The following ADPRHL1 variants were observed in gnomAD, a reference collection of about 807,000 sequenced individuals.
ADPRHL1 encodes ADP-ribosylhydrolase like 1.
Under a neutral mutation model 44.1 loss-of-function variants are expected in ADPRHL1, and 43 were observed. The observed-to-expected ratio is 0.98, with a 90% confidence interval of 0.76 to 1.26. The LOEUF is 1.26. Ranked by LOEUF, ADPRHL1 falls within the 50% of genes most tolerant of loss-of-function variation. ADPRHL1 has a pLI of 0.00. For missense variants in ADPRHL1, 2,022 were observed against 2,496.9 expected (o/e 0.81, Z 4.05); for synonymous variants, 878 against 1,017.4 (o/e 0.86, Z 2.61).
intron 1 of ADPRHL1, among the ~76,000 whole-genome samples, chr13:113,450,003 T>C (rs565026905): frequency 1.1e-4 from 16 of 152,306 alleles, no homozygotes; most frequent in African/African-American, 3.4e-4. Flanking sequence ...TCCACGGTGA[T>C]GTGAGGAGCA....
At chr13:113,452,105 G>A (rs995263276) in intron 1 of ADPRHL1, among the ~76,000 whole-genome samples, 7 of 152,176 alleles carry the variant, frequency 4.6e-5, no homozygotes, top group East Asian at 1.9e-4. Flanking sequence ...AAAACAAGCC[G>A]GAGCTGTGTC....
rs188155365 is a variant in ADPRHL1 at position 113,420,616 on chromosome 13, G to A, written c.1061+2210C>T. Among the ~76,000 whole-genome samples, 293 of 152,188 alleles carry A rather than the reference G, an allele frequency of 1.9e-3. 1 individual carries two copies. The highest frequency in any genetic ancestry group is 6.7e-3 in the African/African-American group (278 of 41,508). ...TGCTGGGACCACACTCCATGGACGT[G>A]TGTGACGTGAGGCCCTTCGCCCCCG... is the stretch of plus-strand genomic sequence containing the variant. On this transcript the variant is annotated intron_variant, in intron 7 of 7. Coordinates refer to ENST00000612156, the MANE Select transcript of ADPRHL1 (RefSeq NM_001394807.1).
Position 113,404,834 on chromosome 13 carries a change from G to A in ADPRHL1, c.4448C>T (p.Ala1483Val). Reference sequence around the variant, plus strand: ...CTGTTTCTGGGCCTGTCCTTGGGCTGCCGGGCTTCCCGGCCCCTCGGGCTC... The same window carrying A: ...CTGTTTCTGGGCCTGTCCTTGGGCTACCGGGCTTCCCGGCCCCTCGGGCTC... The part of the protein sequence containing the change: ...PGEPEGPGSP[A>V]AQGQAQKQVQ... The change falls in exon 8 of 8, where the codon GCA (alanine) becomes GTA (valine). Residue 1483 changes from alanine (A) to valine (V), a missense_variant. Physicochemically the swap from Ala to Val is moderately conservative, Grantham distance 64 (BLOSUM62 0). Transcript: ENST00000612156. 2 of 1,249,006 alleles carry A rather than the reference G, an allele frequency of 1.6e-6. No homozygotes were observed. The highest frequency in any genetic ancestry group is 1.0e-6 in the Non-Finnish European group (1 of 999,182). The allele number at this position is 1,249,006 out of a possible 1,614,324, so 77.4% of individuals were successfully genotyped here.
chr13:113,407,787 T>TC lies in ADPRHL1; in HGVS notation c.1494dup (p.Lys499GlufsTer118). 1 of 1,232,060 alleles carries TC rather than the reference T, an allele frequency of 8.1e-7. No homozygotes were observed. Among genetic ancestry groups the TC allele is most frequent in the Non-Finnish European group, 1.0e-6 (1 of 988,054 alleles). 76.3% of individuals were successfully genotyped at this position (1,232,060 alleles called of 1,614,324 possible). On this transcript the variant is annotated frameshift_variant, in exon 8 of 8. Transcript: ENST00000612156. LOFTEE classifies it low-confidence loss of function (END_TRUNC). Reference sequence around the variant, plus strand: ...TTCAGGATGTTTTTCACGGTGCTCTTCCCGGCCGGGTGGCCCCAGCGGGGC... The same window carrying TC: ...TTCAGGATGTTTTTCACGGTGCTCTTCCCCGGCCGGGTGGCCCCAGCGGGGC...
In ADPRHL1 at chr13:113,405,596, A is replaced by T; in HGVS notation, c.3686T>A (p.Ile1229Asn). ...ARHPEAARLY[I>N]SNTSAASRHT... Reference sequence around the variant, plus strand: ...TCTGCTGGCTGCTGATGTGTTTGAAATGTATAATCGGGCCGCCTCTGGGTG... The same window carrying T: ...TCTGCTGGCTGCTGATGTGTTTGAATTGTATAATCGGGCCGCCTCTGGGTG... Residue 1229 changes from isoleucine to asparagine, a missense_variant, in exon 8 of 8, where the codon ATT (isoleucine) becomes AAT (asparagine). Ile to Asn is a moderately radical substitution (Grantham distance 149). Coordinates refer to ENST00000612156, the MANE Select transcript of ADPRHL1 (RefSeq NM_001394807.1). 8.1e-7 allele frequency: 1 copy of T among 1,232,400 alleles called. No individual in the cohort carries two copies. Among genetic ancestry groups the T allele is most frequent in the Non-Finnish European group, 1.0e-6 (1 of 988,490 alleles). The allele number at this position is 1,232,400 out of a possible 1,614,324, so 76.3% of individuals were successfully genotyped here.
chr13:113,411,541 A>T (rs149148346), intron 7 of ADPRHL1, among the ~76,000 whole-genome samples: 154 of 152,238 alleles, frequency 1.0e-3, no homozygotes, highest in Admixed American at 2.6e-3. Context: ...AGCGTGGAGG[A>T]CGTACTTGGC....
chr13:113,440,826 G>C (rs2044091790), intron 2 of ADPRHL1, among the ~76,000 whole-genome samples: 1 of 152,132 alleles, frequency 6.6e-6, no homozygotes, highest in Non-Finnish European at 1.5e-5. Context: ...TGCAACAGGA[G>C]ATTTTTGGTT....
At chr13:113,428,829 G>T in intron 4 of ADPRHL1, 123 bp downstream of exon 4, 1 of 1,456,388 alleles carries the variant, frequency 6.9e-7, no homozygotes, top group Non-Finnish European at 9.3e-7. Flanking sequence ...CACATGGCCC[G>T]GACAGGGCCC....
chr13:113,422,469 C>G (rs942168200), intron 7 of ADPRHL1: 5 of 193,024 alleles, frequency 2.6e-5, no homozygotes, highest in Non-Finnish European at 5.3e-5. Flanking sequence ...AGGCCACCAC[C>G]GCAGTTAGTG....
At position 113,406,243 on chromosome 13, in the gene ADPRHL1, A is replaced by T. The variant is rs1350946539; in HGVS notation, c.3039T>A (p.Leu1013=). ...ATNDPAASQN[L]LRGNTSHASS... is the part of the protein sequence containing the mutation. ...AGGCATGGCTGGTGTTTCCCCTCAGAAGGTTTTGTGAGGCTGCAGGATCAT... is the reference window on the plus strand; with the variant it reads ...AGGCATGGCTGGTGTTTCCCCTCAGTAGGTTTTGTGAGGCTGCAGGATCAT... Residue 1013 remains leucine (L), a synonymous_variant, in exon 8 of 8, where the codon CTT becomes CTA. Transcript: ENST00000612156. The T allele has an allele frequency of 8.1e-7, 1 of 1,231,894 alleles. No individual in the cohort carries two copies. Among genetic ancestry groups the T allele is most frequent in the Non-Finnish European group, 1.0e-6 (1 of 987,976 alleles). 76.3% of individuals were successfully genotyped at this position (1,231,894 alleles called of 1,614,324 possible). A position where few individuals can be genotyped will look rare whatever the true frequency, so the allele number is the denominator to read the frequency against.
intron 1 of ADPRHL1, among the ~76,000 whole-genome samples, chr13:113,449,506 G>T (rs2139655014): frequency 6.7e-6 from 1 of 149,928 alleles, no homozygotes; most frequent in Non-Finnish European, 1.5e-5. Flanking sequence ...CACCCAGAAG[G>T]AGACAGCCCT....
rs192643711 is a variant in ADPRHL1, at chr13:113,443,047, C to G, written c.379+1378G>C. 9.7e-4 allele frequency among the ~76,000 whole-genome samples: 148 copies of G among 152,274 alleles called. 2 individuals are homozygous for G. Among genetic ancestry groups the G allele is most frequent in the Non-Finnish European group, 1.7e-3 (114 of 68,024 alleles). On this transcript the variant is annotated intron_variant, in intron 2 of 7. Transcript: ENST00000612156. Reference sequence around the variant, plus strand: ...TGTGATTTGGATCTTTTCAAAAATGCCTTTCACGTCTCTACTTAATTTTTT... The same window carrying G: ...TGTGATTTGGATCTTTTCAAAAATGGCTTTCACGTCTCTACTTAATTTTTT...
intron 2 of ADPRHL1, among the ~76,000 whole-genome samples, chr13:113,436,225 C>T (rs376491689): frequency 2.7e-4 from 40 of 148,090 alleles, no homozygotes; most frequent in East Asian, 2.5e-3. Flanking sequence ...AGGTGTACCC[C>T]GGGACCCGGC....
intron 1 of ADPRHL1, among the ~76,000 whole-genome samples, chr13:113,447,204 G>A (rs2044147191): frequency 7.3e-6 from 1 of 136,886 alleles, no homozygotes; most frequent in Non-Finnish European, 1.5e-5. Flanking sequence ...ACGGTGTTGT[G>A]TGTGCATGGC....
In ADPRHL1 at chr13:113,403,498, G is replaced by A. The variant is rs1053169915; in HGVS notation, c.5784C>T (p.Arg1928=). 10 of 1,231,906 alleles carry A rather than the reference G, an allele frequency of 8.1e-6. No individual in the cohort carries two copies. The highest frequency in any genetic ancestry group is 1.6e-5 in the African/African-American group (1 of 64,336). The allele number at this position is 1,231,906 out of a possible 1,614,324, so 76.3% of individuals were successfully genotyped here. A position where few individuals can be genotyped will look rare whatever the true frequency, so the allele number is the denominator to read the frequency against. Residue 1928 remains arginine, a synonymous_variant, in exon 8 of 8, where the codon CGC becomes CGT. Transcript: ENST00000612156. ...ACTTGGCCAGGTGCCTGGACCTCCC[G>A]CGACGCTCGGGCTCCGATGCCTCCA... The part of the protein sequence containing the change: ...DRMEASEPER[R]GRSRHLAKYK...
At position 113,402,186 on chromosome 13, in the gene ADPRHL1, A is replaced by G. The variant is rs982610615; in HGVS notation, c.*1192T>C. The G allele has an allele frequency of 6.6e-6, 1 of 152,236 alleles. No individual in the cohort carries two copies. Among genetic ancestry groups the G allele is most frequent in the African/African-American group, 2.4e-5 (1 of 41,452 alleles). The allele number at this position is 152,236 out of a possible 1,614,324, so 9.4% of individuals were successfully genotyped here. On this transcript the variant is annotated 3_prime_UTR_variant, in exon 8 of 8. Coordinates refer to ENST00000612156, the MANE Select transcript of ADPRHL1 (RefSeq NM_001394807.1). ...CTGAAAATCCAGCTGCTCCGGGGCC[A>G]CTCAGGCAGCCGTGTGGCCTCACGG...
In ADPRHL1 at chr13:113,420,046, T is replaced by C. The variant is rs76265582; in HGVS notation, c.1061+2780A>G. Among the ~76,000 whole-genome samples, 396 of 151,436 alleles carry C rather than the reference T, an allele frequency of 2.6e-3. 2 individuals are homozygous for C. Among genetic ancestry groups the C allele is most frequent in the African/African-American group, 7.9e-3 (326 of 41,250 alleles). ...GGAGGCTTAGGCGACCGTGACCGTG[T>C]TATCTGGGTGGTTGGAAGCAGCTTT... is the stretch of plus-strand genomic sequence containing the variant. On this transcript the variant is annotated intron_variant, in intron 7 of 7. Coordinates refer to ENST00000612156, the MANE Select transcript of ADPRHL1 (RefSeq NM_001394807.1).
In ADPRHL1 at chr13:113,453,373, A is replaced by G. The variant is rs556828464; in HGVS notation, c.65T>C (p.Val22Ala). ...GCCTACAGTGCTGTTCTCCTTGCAG[A>G]CATTTCTGTAGCCAAGAGCATCGCC... is the stretch of plus-strand genomic sequence containing the variant. The part of the protein sequence containing the change: ...SVGDALGYRN[V>A]CKENSTVGMK... Residue 22 changes from valine to alanine, a missense_variant, in exon 1 of 8, where the codon GTC (valine) becomes GCC (alanine). Val to Ala is a moderately conservative substitution (Grantham distance 64). Around this residue, in one of 8 missense-constraint regions of ADPRHL1, gnomAD observed 437 missense variants for 430.7 expected, o/e 1.01. Transcript: ENST00000612156. This position sits in a 1 kb window ranked among gnomAD's most constrained non-coding sequence, Gnocchi z 5.4. 1 of 1,614,116 alleles carries G rather than the reference A, an allele frequency of 6.2e-7. No individual in the cohort carries two copies. The highest frequency in any genetic ancestry group is 1.3e-5 in the African/African-American group (1 of 75,008).
intron 2 of ADPRHL1, among the ~76,000 whole-genome samples, chr13:113,436,889 G>A (rs1352035428): frequency 1.4e-5 from 2 of 144,842 alleles, no homozygotes; most frequent in Non-Finnish European, 3.0e-5. Flanking sequence ...GTGAACATAG[G>A]TGTACCCTGT....
Sources: gnomAD v4.1 joint callset for allele counts (sites outside exome capture counted in the v4.1 genomes callset) on GRCh38, gnomAD v4.1.1 for gene constraint, gnomAD v4.1.1 regional missense constraint, Gnocchi (gnomAD v3.1) non-coding constraint, MANE v1.5 for transcripts, NCBI Gene and HGNC (gene_info 2026-07-23, HGNC 2026-07-21) for gene names.